ZNF438: variants seen among roughly 807,000 people sequenced by gnomAD.
ZNF438 encodes the protein zinc finger protein 438.
In ZNF438, 25 loss-of-function variants were observed where a neutral mutation model predicts 38.0. The ratio of observed to expected loss-of-function variants is 0.66; its 90% CI spans 0.48 to 0.92. The LOEUF is 0.92. Among genes scored for constraint, ZNF438 ranks in the 40% least tolerant of loss-of-function variants. The pLI is 0.00. For missense variants in ZNF438, 1,007 were observed against 999.6 expected, an observed-to-expected ratio of 1.01 and a Z score of -0.10; for synonymous variants, 372 against 364.1, an observed-to-expected ratio of 1.02 and a Z score of -0.25.
chr10:30,861,963 T>C (rs1468942131), intron 4 of ZNF438, among the ~76,000 whole-genome samples: 1 of 152,232 alleles, frequency 6.6e-6, no homozygotes, highest in African/African-American at 2.4e-5. Flanking sequence ...TGGAAACTTC[T>C]GAAATGCTTT....
chr10:31,028,331 C>T (rs1339307698), intron 1 of ZNF438, among the ~76,000 whole-genome samples: 1 of 152,090 alleles, frequency 6.6e-6, no homozygotes, highest in Non-Finnish European at 1.5e-5. Context: ...TCTGGTGAGC[C>T]CTGTCAACAC....
intron 2 of ZNF438, among the ~76,000 whole-genome samples, chr10:30,931,654 T>C (rs1337112271): frequency 2.0e-5 from 3 of 152,352 alleles, no homozygotes; most frequent in Admixed American, 6.5e-5. Context: ...GAGAATGAAG[T>C]GTATGTATAC....
chr10:30,848,616 C>T (rs147875190), exon 5 of ZNF438: 49 of 1,614,168 alleles, frequency 3.0e-5, no homozygotes, highest in Non-Finnish European at 4.1e-5. Flanking sequence ...GGCGCAGGCT[C>T]AGTGCTGATC....
rs147230250 is a variant in ZNF438 at position 30,998,657 on chromosome 10, A to G, written c.-192+33176T>C. On this transcript the variant is annotated intron_variant, in intron 1 of 5. Transcript: ENST00000413025. ...ATGATCATAAGCTCATGGTTATTAA[A>G]GTATTTTTAAAGCTAGGTATTTTAT... 1.2e-3 allele frequency among the ~76,000 whole-genome samples: 176 copies of G among 149,574 alleles called. 1 individual carries two copies. The Middle Eastern group carries it at 0.014, about 12-fold the overall frequency.
At chr10:30,850,363 T>C in exon 5 of ZNF438, 1 of 1,610,794 alleles carries the variant, frequency 6.2e-7, no homozygotes, top group Non-Finnish European at 8.5e-7. Context: ...GGATGTTTGA[T>C]TCACCTGCAA....
At chr10:30,887,840 C>A (rs1281249101) in intron 3 of ZNF438, among the ~76,000 whole-genome samples, 1 of 152,182 alleles carries the variant, frequency 6.6e-6, no homozygotes, top group African/African-American at 2.4e-5. Context: ...TTTCCACCCT[C>A]ACCTATGGCC....
intron 3 of ZNF438, among the ~76,000 whole-genome samples, chr10:30,887,048 G>A (rs1007968155): frequency 1.3e-5 from 2 of 152,128 alleles, no homozygotes; most frequent in Non-Finnish European, 2.9e-5. Flanking sequence ...CCCTGTGAGC[G>A]TGTCTTTCAT....
At chr10:30,857,945 C>T (rs2034947697) in intron 4 of ZNF438, among the ~76,000 whole-genome samples, 1 of 152,220 alleles carries the variant, frequency 6.6e-6, no homozygotes, top group Non-Finnish European at 1.5e-5. Context: ...TAGCTACAAA[C>T]AGCTCACTTC....
chr10:30,996,514 C>T (rs955095016), intron 1 of ZNF438, among the ~76,000 whole-genome samples: 5 of 151,880 alleles, frequency 3.3e-5, no homozygotes, highest in Admixed American at 3.3e-4. Context: ...ACAGAAGGGT[C>T]AATCCATCAG....
intron 4 of ZNF438, among the ~76,000 whole-genome samples, chr10:30,853,886 T>G (rs191930435): frequency 3.9e-5 from 6 of 152,192 alleles, no homozygotes; most frequent in Admixed American, 3.3e-4. Context: ...TCCCAGCTAC[T>G]TGGGAGGCTG....
chr10:30,957,738 T>G (rs763619634), intron 1 of ZNF438, among the ~76,000 whole-genome samples: 3 of 152,212 alleles, frequency 2.0e-5, no homozygotes, highest in Non-Finnish European at 2.9e-5. Flanking sequence ...CCATGCTGTT[T>G]TGGTTACTAT....
intron 4 of ZNF438, among the ~76,000 whole-genome samples, chr10:30,850,846 A>G (rs1169733925): frequency 1.3e-5 from 2 of 152,132 alleles, no homozygotes; most frequent in Non-Finnish European, 2.9e-5. Context: ...TCTCATCTTG[A>G]TATTTCCCAC....
chr10:30,848,768 C>G, exon 5 of ZNF438: 1 of 1,614,224 alleles, frequency 6.2e-7, no homozygotes, highest in Non-Finnish European at 8.5e-7. Context: ...GCTGCCAGGA[C>G]GTACATAGGA....
chr10:30,908,658 C>T (rs76714388), intron 3 of ZNF438, among the ~76,000 whole-genome samples: 5,195 of 152,170 alleles, frequency 0.034, 303 homozygotes, highest in African/African-American at 0.12. Context: ...CTACAATGTA[C>T]GCTGCATATA....
intron 1 of ZNF438, among the ~76,000 whole-genome samples, chr10:31,003,305 C>A (rs536522054): frequency 6.6e-6 from 1 of 152,238 alleles, no homozygotes; most frequent in South Asian, 2.1e-4. Context: ...ACCCTGCCAC[C>A]CAGTACATGT....
chr10:30,934,914 G>A (rs987556363), intron 2 of ZNF438, among the ~76,000 whole-genome samples: 18 of 152,322 alleles, frequency 1.2e-4, no homozygotes, highest in Non-Finnish European at 2.4e-4. Context: ...ATACCACAGT[G>A]TTTGGAACTT....
At chr10:30,952,899 T>C (rs1369548397) in intron 1 of ZNF438, among the ~76,000 whole-genome samples, 15 of 29,078 alleles carry the variant, frequency 5.2e-4, no homozygotes, top group Non-Finnish European at 9.6e-4. Flanking sequence ...ATCCCATTAC[T>C]GGGTATATAC....
chr10:30,898,297 A>G (rs1391079725), intron 3 of ZNF438, among the ~76,000 whole-genome samples: 1 of 152,210 alleles, frequency 6.6e-6, no homozygotes, highest in Non-Finnish European at 1.5e-5. Flanking sequence ...AAGTAGATCT[A>G]GGGAGAGAGG....
chr10:31,009,013 C>T (rs1050618228), intron 1 of ZNF438, among the ~76,000 whole-genome samples: 2 of 152,172 alleles, frequency 1.3e-5, no homozygotes, highest in Admixed American at 6.5e-5. Flanking sequence ...TGAGTGACAA[C>T]GTTGAGCATC....
Sources: gnomAD v4.1 joint callset for allele counts (sites outside exome capture counted in the v4.1 genomes callset) on GRCh38, gnomAD v4.1.1 for gene constraint, MANE v1.5 for transcripts, NCBI Gene and HGNC (gene_info 2026-07-23, HGNC 2026-07-21) for gene names.